The following DOCK8 variants were observed in gnomAD, a reference collection of about 807,000 sequenced individuals.
DOCK8 encodes dedicator of cytokinesis protein 8.
Under a neutral mutation model 245.6 loss-of-function variants are expected in DOCK8, and 141 were observed. The observed-to-expected ratio is 0.57, with a 90% CI of 0.50 to 0.66. DOCK8 has a LOEUF of 0.66. DOCK8 is among the 30% of genes least tolerant of loss of function. The probability of loss-of-function intolerance (pLI) is 0.00; values close to 1 mark genes in which losing one functional copy is unlikely to be tolerated. For synonymous variants in DOCK8, 1,168 were observed against 970.2 expected (o/e 1.20, Z -3.79); for missense variants, 2,965 against 2,603.4 (o/e 1.14, Z -3.02).
chr9:232,663 G>C (rs2047143622), intron 1 of DOCK8, among the ~76,000 whole-genome samples: 1 of 152,138 alleles, frequency 6.6e-6, no homozygotes, highest in Non-Finnish European at 1.5e-5. Flanking sequence ...ATTTCTTCTA[G>C]ATTTTCTAGT....
chr9:377,527 C>A (rs1461583293), intron 20 of DOCK8, among the ~76,000 whole-genome samples: 1 of 151,922 alleles, frequency 6.6e-6, no homozygotes, highest in Admixed American at 6.6e-5. Flanking sequence ...TTTTTGTTTT[C>A]TTGACTAACA....
chr9:305,205 A>T (rs10122727), intron 5 of DOCK8, among the ~76,000 whole-genome samples: 3,273 of 152,368 alleles, frequency 0.021, 49 homozygotes, highest in African/African-American at 0.036. Flanking sequence ...TAATATCCAT[A>T]AAGAATTAGA....
At chr9:278,668 C>T (rs566629634) in intron 2 of DOCK8, among the ~76,000 whole-genome samples, 23 of 152,114 alleles carry the variant, frequency 1.5e-4, no homozygotes, top group Non-Finnish European at 2.6e-4. Context: ...ATGAACTTGA[C>T]GGACATCTGA....
At chr9:323,348 C>G (rs889111436) in intron 7 of DOCK8, among the ~76,000 whole-genome samples, 2 of 150,650 alleles carry the variant, frequency 1.3e-5, no homozygotes, top group African/African-American at 4.9e-5. Context: ...CTCAGCCTCC[C>G]GAGTAGCTGG....
At chr9:441,830 C>T in intron 41 of DOCK8, 45 bp from the exon 42 acceptor site, 2 of 1,610,400 alleles carry the variant, frequency 1.2e-6, no homozygotes, top group Non-Finnish European at 1.7e-6. Flanking sequence ...AGTGGCTCCT[C>T]AGGATGACAT....
chr9:273,012 A>T lies in DOCK8; in HGVS notation c.156+1283A>T, dbSNP rs537215502. ...ACTTCGAAACCACTTCTGCCTTAGA[A>T]ATTTTGTAACCTTCCGCTCAGTTTC... On this transcript the variant is annotated intron_variant, in intron 2 of 47. Coordinates refer to ENST00000432829, the MANE Select transcript of DOCK8 (RefSeq NM_203447.4). 9 of 985,092 alleles carry T rather than the reference A, an allele frequency of 9.1e-6. No homozygotes were observed. In the African/African-American group the frequency reaches 1.6e-4, roughly 17 times the overall value. 61.0% of individuals were successfully genotyped at this position (985,092 alleles called of 1,614,324 possible).
At position 340,312 on chromosome 9, in the gene DOCK8, C is replaced by T; in HGVS notation, c.1670C>T (p.Thr557Ile). The T allele has an allele frequency of 1.2e-6, 2 of 1,614,128 alleles. No individual in the cohort carries two copies. The highest frequency in any genetic ancestry group is 1.7e-6 in the Non-Finnish European group (2 of 1,180,004). Residue 557 changes from threonine (T) to isoleucine (I), a missense_variant, in exon 14 of 48, where the codon ACT becomes ATT. Around this residue, in one of 3 missense-constraint regions of DOCK8, gnomAD observed 2,825 missense variants for 2,453.5 expected, o/e 1.15. Transcript: ENST00000432829. ...FPTREVYVPH[T>I]VYRNLLYVYP... Reference sequence around the variant, plus strand: ...ACACGAGAAGTATATGTCCCTCACACTGTGTACAGGTAAGAAACACAGGCT... The same window carrying T: ...ACACGAGAAGTATATGTCCCTCACATTGTGTACAGGTAAGAAACACAGGCT...
intron 7 of DOCK8, among the ~76,000 whole-genome samples, chr9:324,178 C>A (rs952110394): frequency 2.0e-5 from 3 of 152,240 alleles, no homozygotes; most frequent in African/African-American, 7.2e-5. Context: ...TGGGAGTCTG[C>A]CATGATTCCA....
chr9:216,537 C>CAAAAAAAAAAAAAAAAAAAAA (rs59529982), intron 1 of DOCK8, among the ~76,000 whole-genome samples: 370 of 88,794 alleles, frequency 4.2e-3, no homozygotes, highest in Non-Finnish European at 5.3e-3. Flanking sequence ...AAAAAACAGA[C>CAAAAAAAAAAAAAAAAAAAAA]AAAAAAAAAA....
At chr9:235,763 T>C (rs1382731715) in intron 1 of DOCK8, among the ~76,000 whole-genome samples, 1 of 152,158 alleles carries the variant, frequency 6.6e-6, no homozygotes, top group Non-Finnish European at 1.5e-5. Flanking sequence ...AAGCGCAGTA[T>C]TAGGGTGGGA....
At chr9:235,979 C>T (rs1009112007) in intron 1 of DOCK8, among the ~76,000 whole-genome samples, 12 of 152,180 alleles carry the variant, frequency 7.9e-5, no homozygotes, top group African/African-American at 1.4e-4. Flanking sequence ...AGAAATCACC[C>T]GTATTCTGTG....
intron 11 of DOCK8, among the ~76,000 whole-genome samples, chr9:336,073 G>T (rs562838835): frequency 6.6e-6 from 1 of 152,286 alleles, no homozygotes; most frequent in South Asian, 2.1e-4. Flanking sequence ...ATCACCCAAG[G>T]CAGAAACTCA....
rs1424529167 is a variant in DOCK8, at chr9:441,921, G to C, written c.5402G>C (p.Gly1801Ala). The C allele has an allele frequency of 1.2e-6, 2 of 1,614,110 alleles. No homozygotes were observed. The highest frequency in any genetic ancestry group is 2.7e-5 in the African/African-American group (2 of 75,028). The change falls in exon 42 of 48, where the codon GGA becomes GCA. Residue 1801 changes from glycine (G) to alanine (A), a missense_variant. By Grantham distance (60) the Gly-to-Ala change is moderately conservative. Transcript: ENST00000432829. ...FGTYFRVGFF[G>A]SKFGDLDEQE... ...ACCTACTTCCGAGTTGGTTTCTTTG[G>C]ATCCAAATTTGGGGATTTGGATGAA...
chr9:400,118 CCAGCATCTTCACCAT>C (rs1189544237), intron 26 of DOCK8, among the ~76,000 whole-genome samples: 2 of 101,714 alleles, frequency 2.0e-5, no homozygotes, highest in Non-Finnish European at 1.8e-5. Flanking sequence ...TCCACCACCA[CCAGCATCTTCACCAT>C]CACCACCACC....
chr9:420,240 G>A, intron 30 of DOCK8, 161 bp from the exon 31 acceptor site: 1 of 786,902 alleles, frequency 1.3e-6, no homozygotes. Context: ...CCTAGGGAAG[G>A]CAGGGCTACT....
chr9:416,225 C>T (rs755158936), intron 29 of DOCK8, among the ~76,000 whole-genome samples: 5 of 152,128 alleles, frequency 3.3e-5, no homozygotes, highest in South Asian at 4.1e-4. Flanking sequence ...CCTCTAGCAG[C>T]GCCTGATTGC....
intron 14 of DOCK8, among the ~76,000 whole-genome samples, chr9:357,073 C>T (rs1586787182): frequency 6.6e-6 from 1 of 152,182 alleles, no homozygotes; most frequent in South Asian, 2.1e-4. Context: ...TGGACTTAAA[C>T]AAGTGAAGTG....
At chr9:338,758 C>G (rs1047349639) in intron 12 of DOCK8, among the ~76,000 whole-genome samples, 3 of 152,080 alleles carry the variant, frequency 2.0e-5, no homozygotes. Context: ...AGACGGGCTT[C>G]CTTAGAATGC....
At chr9:364,619 G>T (rs1392022325) in intron 14 of DOCK8, among the ~76,000 whole-genome samples, 1 of 142,318 alleles carries the variant, frequency 7.0e-6, no homozygotes, top group African/African-American at 2.7e-5. Flanking sequence ...GGGCAACAGA[G>T]TGAGATCCTG....
Sources: allele counts gnomAD v4.1 joint callset (sites outside exome capture counted in the v4.1 genomes callset), GRCh38; gene constraint gnomAD v4.1.1; regional missense constraint gnomAD v4.1.1; transcripts MANE v1.5; gene names NCBI Gene and HGNC (gene_info 2026-07-23, HGNC 2026-07-21).